RARB: variants seen among roughly 807,000 people sequenced by gnomAD.
The protein encoded by RARB is HBV-activated protein.
In RARB, 17 loss-of-function variants were observed where a neutral mutation model predicts 51.9. That is an observed-to-expected ratio of 0.33 (90% confidence interval 0.22 to 0.49). The LOEUF is 0.49. Ranked by LOEUF, RARB falls within the 20% of genes least tolerant of loss-of-function variation. The pLI, the probability that RARB is intolerant of heterozygous loss-of-function variation, is 0.99. For missense variants in RARB, 369 were observed against 550.8 expected (o/e 0.67, Z 3.30); for synonymous variants, 215 against 195.4 (o/e 1.10, Z -0.84).
chr3:25,503,982 C>G (rs1002720174), intron 3 of RARB, among the ~76,000 whole-genome samples: 1 of 152,172 alleles, frequency 6.6e-6, no homozygotes, highest in African/African-American at 2.4e-5. Flanking sequence ...GTGAAATCGG[C>G]CACCTCTCCT....
At chr3:25,317,879 C>T (rs1240690079) in intron 5 of RARB, among the ~76,000 whole-genome samples, 1 of 151,726 alleles carries the variant, frequency 6.6e-6, no homozygotes, top group Admixed American at 6.6e-5. Flanking sequence ...ATGTGCAAAC[C>T]TTGTTCTTCA....
chr3:25,021,311 C>A (rs557465184), intron 2 of RARB, among the ~76,000 whole-genome samples: 251 of 152,262 alleles, frequency 1.6e-3, no homozygotes, highest in African/African-American at 5.9e-3. Context: ...AGGATTTTTT[C>A]TGGTATTACC....
At chr3:25,299,360 G>C (rs1703987653) in intron 5 of RARB, among the ~76,000 whole-genome samples, 1 of 152,060 alleles carries the variant, frequency 6.6e-6, no homozygotes. Context: ...ACCATGCGTG[G>C]CTAATTTTTG....
chr3:25,458,048 G>A (rs542791844), intron 1 of RARB, among the ~76,000 whole-genome samples: 1 of 151,712 alleles, frequency 6.6e-6, no homozygotes, highest in African/African-American at 2.4e-5. Context: ...ATATCAGGGA[G>A]TGTAAATCTA....
At chr3:24,961,656 G>T (rs1452971369) in intron 2 of RARB, among the ~76,000 whole-genome samples, 1 of 152,162 alleles carries the variant, frequency 6.6e-6, no homozygotes, top group Admixed American at 6.5e-5. Flanking sequence ...TGACGGTCCA[G>T]TTATCTCAGA....
chr3:25,243,703 C>T (rs1251189934), intron 5 of RARB, among the ~76,000 whole-genome samples: 1 of 152,074 alleles, frequency 6.6e-6, no homozygotes, highest in Admixed American at 6.6e-5. Flanking sequence ...CTTCTAGAAT[C>T]GGTTTGCCAG....
In RARB at chr3:25,106,458, G is replaced by GGTTTT. The variant is rs1559468532; in HGVS notation, c.-327-25703_-327-25702insGTTTT. Among the ~76,000 whole-genome samples the GGTTTT allele has an allele frequency of 2.0e-3, 216 of 107,798 alleles. 2 individuals carry two copies. Among genetic ancestry groups the GGTTTT allele is most frequent in the African/African-American group, 7.9e-3 (199 of 25,276 alleles). The allele number at this position is 107,798 out of a possible 152,430, so 70.7% of individuals were successfully genotyped here. On this transcript the variant is annotated intron_variant, in intron 3 of 11. Coordinates refer to the RARB transcript ENST00000383772. ...GCCCAGCTACTGTTTTTTGTTTTTT[G>GGTTTT]TTTTTTTTTGTTTTGTTTTTTTTTT...
intron 2 of RARB, among the ~76,000 whole-genome samples, chr3:24,876,831 G>C (rs1703053660): frequency 6.6e-6 from 1 of 152,084 alleles, no homozygotes; most frequent in East Asian, 1.9e-4. Context: ...TTAGATAGTG[G>C]CATTTCATTT....
chr3:25,450,808 G>A (rs1709159351), intron 1 of RARB, among the ~76,000 whole-genome samples: 1 of 152,102 alleles, frequency 6.6e-6, no homozygotes, highest in Non-Finnish European at 1.5e-5. Context: ...CTACCCGGCC[G>A]GGTGCGGTGG....
At chr3:24,959,793 A>G (rs1001547050) in intron 2 of RARB, among the ~76,000 whole-genome samples, 1 of 152,238 alleles carries the variant, frequency 6.6e-6, no homozygotes, top group African/African-American at 2.4e-5. Flanking sequence ...GCAAAGAACA[A>G]GGGGAATGAG....
chr3:25,202,581 A>G (rs528485538), intron 5 of RARB, among the ~76,000 whole-genome samples: 1 of 152,122 alleles, frequency 6.6e-6, no homozygotes. Flanking sequence ...TAGTGCTATA[A>G]ATTTCCCTCT....
chr3:24,878,730 T>C (rs1391818954), intron 2 of RARB, among the ~76,000 whole-genome samples: 1 of 152,108 alleles, frequency 6.6e-6, no homozygotes, highest in Non-Finnish European at 1.5e-5. Context: ...AGTCTAAAAA[T>C]CAACCAGTTG....
chr3:25,380,514 T>C (rs769760468), intron 5 of RARB, among the ~76,000 whole-genome samples: 11 of 152,192 alleles, frequency 7.2e-5, no homozygotes, highest in Non-Finnish European at 8.8e-5. Flanking sequence ...CTTTCCTTCC[T>C]ATTGAATTAT....
chr3:25,474,980 AG>A (rs1489783507), intron 2 of RARB, among the ~76,000 whole-genome samples: 1 of 152,132 alleles, frequency 6.6e-6, no homozygotes, highest in Non-Finnish European at 1.5e-5. Flanking sequence ...GTGACAGGTA[AG>A]ATCTGTGCAA....
At chr3:25,505,057 G>A (rs901115591) in intron 3 of RARB, among the ~76,000 whole-genome samples, 7 of 152,114 alleles carry the variant, frequency 4.6e-5, no homozygotes, top group African/African-American at 1.7e-4. Flanking sequence ...GGGATTACAG[G>A]CGTGAGCCAC....
intron 5 of RARB, among the ~76,000 whole-genome samples, chr3:25,221,131 A>G (rs1374979622): frequency 1.3e-5 from 2 of 152,202 alleles, no homozygotes; most frequent in Non-Finnish European, 2.9e-5. Context: ...TACAGATATA[A>G]TGGAACTAAT....
chr3:25,374,755 G>A lies in RARB; in HGVS notation c.179-86438G>A, dbSNP rs1706405618. ...ATCCTCCATTGGCTCCCTCTGACAT[G>A]AGTGGATTCAACCTAAACGTGTCTT... On this transcript the variant is annotated intron_variant, in intron 5 of 11. Transcript: ENST00000383772. 3.3e-5 allele frequency among the ~76,000 whole-genome samples: 5 copies of A among 152,172 alleles called. No homozygotes were observed. In the South Asian group the frequency reaches 1.0e-3, roughly 31 times the overall value.
In RARB at chr3:25,200,043, C is replaced by G. The variant is rs190653958; in HGVS notation, c.178+25468C>G. Among the ~76,000 whole-genome samples the G allele has an allele frequency of 2.6e-3, 399 of 152,308 alleles. 2 individuals carry two copies. Among genetic ancestry groups the G allele is most frequent in the African/African-American group, 9.2e-3 (384 of 41,552 alleles). ...CACACTGTCTTCCACAATGGTTGAACTAGTTTACAGTCCCACCAGCAGTGT... is the reference window on the plus strand; with the variant it reads ...CACACTGTCTTCCACAATGGTTGAAGTAGTTTACAGTCCCACCAGCAGTGT... On this transcript the variant is annotated intron_variant, in intron 5 of 11. Coordinates refer to the RARB transcript ENST00000383772.
At chr3:25,086,302 G>A (rs112396029) in intron 3 of RARB, among the ~76,000 whole-genome samples, 2,113 of 152,252 alleles carry the variant, frequency 0.014, 55 homozygotes, top group East Asian at 0.063. Flanking sequence ...GCGATAGTGG[G>A]CAAAGTAACT....
Sources: gnomAD v4.1 joint callset for allele counts (sites outside exome capture counted in the v4.1 genomes callset) on GRCh38, gnomAD v4.1.1 for gene constraint, MANE v1.5 for transcripts, NCBI Gene and HGNC (gene_info 2026-07-23, HGNC 2026-07-21) for gene names.